The following SLC9C2 variants were observed in gnomAD, a reference collection of about 807,000 sequenced individuals.
SLC9C2 encodes sodium/hydrogen exchanger 11.
In SLC9C2, 75 loss-of-function variants were observed where a neutral mutation model predicts 140.2. The ratio of observed to expected loss-of-function variants is 0.53; its 90% confidence interval spans 0.44 to 0.65. The LOEUF (loss-of-function observed/expected upper bound fraction) is 0.65. Among genes scored for constraint, SLC9C2 ranks in the 30% least tolerant of loss-of-function variants. The pLI is 0.00. For synonymous variants in SLC9C2, 375 were observed against 420.9 expected, an observed-to-expected ratio of 0.89 and a Z score of 1.34; for missense variants, 1,074 against 1,331.8, an observed-to-expected ratio of 0.81 and a Z score of 3.01.
At chr1:173,575,862 G>T (rs928130874) in intron 8 of SLC9C2, among the ~76,000 whole-genome samples, 1 of 152,150 alleles carries the variant, frequency 6.6e-6, no homozygotes, top group African/African-American at 2.4e-5. Flanking sequence ...ACAGGCGTGA[G>T]CCACCGTGCC....
intron 2 of SLC9C2, among the ~76,000 whole-genome samples, chr1:173,601,111 G>T (rs758518932): frequency 1.3e-5 from 2 of 152,084 alleles, no homozygotes; most frequent in African/African-American, 2.4e-5. Context: ...TGGGGTTGGG[G>T]TGGGTTATTT....
At chr1:173,554,155 T>C (rs1005966489) in intron 11 of SLC9C2, among the ~76,000 whole-genome samples, 4 of 152,246 alleles carry the variant, frequency 2.6e-5, no homozygotes, top group Non-Finnish European at 5.9e-5. Context: ...CTTCTGCTAA[T>C]AGAATCTCCA....
chr1:173,514,753 CTT>C (rs996948129), intron 23 of SLC9C2, among the ~76,000 whole-genome samples: 10 of 152,120 alleles, frequency 6.6e-5, no homozygotes, highest in African/African-American at 1.9e-4. Flanking sequence ...TGCCATTAGT[CTT>C]TATATATTTG....
intron 15 of SLC9C2, among the ~76,000 whole-genome samples, 196 bp downstream of exon 15, chr1:173,535,634 C>T (rs1661895988): frequency 6.6e-6 from 1 of 152,144 alleles, no homozygotes; most frequent in African/African-American, 2.4e-5. Context: ...TTTTCCCTTC[C>T]TGACTACTCT....
At chr1:173,574,909 A>G (rs926414242) in intron 8 of SLC9C2, among the ~76,000 whole-genome samples, 2 of 152,076 alleles carry the variant, frequency 1.3e-5, no homozygotes, top group Admixed American at 6.6e-5. Context: ...GCTTGAGCCC[A>G]GGAGTTTGAG....
chr1:173,597,411 T>C (rs1215034858), intron 4 of SLC9C2, among the ~76,000 whole-genome samples: 1 of 151,858 alleles, frequency 6.6e-6, no homozygotes, highest in Non-Finnish European at 1.5e-5. Flanking sequence ...ATGAATCAAA[T>C]ATTAATTCAA....
intron 20 of SLC9C2, among the ~76,000 whole-genome samples, chr1:173,524,333 G>C (rs79213398): frequency 0.015 from 2,243 of 152,172 alleles, 68 homozygotes; most frequent in African/African-American, 0.052. Flanking sequence ...TAATTCAATT[G>C]ACACAGTGGA....
chr1:173,591,704 C>A (rs567908341), intron 4 of SLC9C2, among the ~76,000 whole-genome samples: 1 of 152,068 alleles, frequency 6.6e-6, no homozygotes, highest in Non-Finnish European at 1.5e-5. Flanking sequence ...TTATCCTTTG[C>A]CCACTTTTTA....
intron 17 of SLC9C2, among the ~76,000 whole-genome samples, chr1:173,530,372 C>T (rs1017212291): frequency 3.9e-5 from 6 of 152,186 alleles, no homozygotes; most frequent in African/African-American, 1.4e-4. Flanking sequence ...TGCCTTTTCC[C>T]TCATTCTCTG....
chr1:173,570,869 G>A (rs1664799422), intron 9 of SLC9C2, among the ~76,000 whole-genome samples: 1 of 152,098 alleles, frequency 6.6e-6, no homozygotes, highest in Non-Finnish European at 1.5e-5. Flanking sequence ...CAAGTGCACA[G>A]ATTCTCTCTC....
chr1:173,541,377 G>C (rs1425074815), intron 13 of SLC9C2, among the ~76,000 whole-genome samples: 2 of 152,134 alleles, frequency 1.3e-5, no homozygotes, highest in African/African-American at 2.4e-5. Context: ...TAGAGACCTA[G>C]AAAGAGACTT....
intron 4 of SLC9C2, among the ~76,000 whole-genome samples, chr1:173,595,025 G>A (rs1477930184): frequency 6.6e-6 from 1 of 152,084 alleles, no homozygotes; most frequent in Non-Finnish European, 1.5e-5. Context: ...TCAGCCTCCT[G>A]AGTAGCTGGG....
chr1:173,558,023 T>C (rs1571556884), intron 9 of SLC9C2, among the ~76,000 whole-genome samples: 1 of 152,234 alleles, frequency 6.6e-6, no homozygotes, highest in East Asian at 1.9e-4. Flanking sequence ...CTTCTTGCCC[T>C]CCAGATTACT....
At chr1:173,566,746 G>A (rs1274021744) in intron 9 of SLC9C2, among the ~76,000 whole-genome samples, 1 of 144,300 alleles carries the variant, frequency 6.9e-6, no homozygotes, top group East Asian at 2.0e-4. Context: ...TCCTTTTCTA[G>A]TTCTTTAAGA....
chr1:173,527,653 A>C (rs1661303259), intron 18 of SLC9C2, among the ~76,000 whole-genome samples: 1 of 152,134 alleles, frequency 6.6e-6, no homozygotes, highest in African/African-American at 2.4e-5. Flanking sequence ...GGGAGTTTGC[A>C]CTTGGCTACA....
At position 173,529,975 on chromosome 1, in the gene SLC9C2, C is replaced by A; in HGVS notation, c.2243G>T (p.Gly748Val). ...RLSLMYSITK[G>V]YIKSQEDAKL... ...GGCATCTTCTTGACTTTTGATATAG[C>A]CTTTTGTAATACTATACATCAAGCT... The change falls in exon 18 of 28, where the codon GGC becomes GTC. Residue 748 changes from glycine (G) to valine (V), a missense_variant. Physicochemically the swap from Gly to Val is moderately radical, Grantham distance 109. Transcript: ENST00000367714. 1 of 1,613,342 alleles carries A rather than the reference C, an allele frequency of 6.2e-7. No homozygotes were observed. The highest frequency in any genetic ancestry group is 1.3e-5 in the African/African-American group (1 of 74,944).
At chr1:173,526,638 G>A (rs1571472727) in intron 19 of SLC9C2, 25 bp downstream of exon 19, 1 of 1,563,644 alleles carries the variant, frequency 6.4e-7, no homozygotes, top group Non-Finnish European at 8.7e-7. Context: ...ATGACTTTAA[G>A]AACTCAGATA....
chr1:173,519,881 GCT>G (rs1326711305), intron 22 of SLC9C2, among the ~76,000 whole-genome samples: 1 of 152,062 alleles, frequency 6.6e-6, no homozygotes, highest in African/African-American at 2.4e-5. Flanking sequence ...TGGTTCGGTG[GCT>G]CACACCTGTA....
chr1:173,574,362 T>G (rs571265616), intron 8 of SLC9C2, among the ~76,000 whole-genome samples: 1 of 152,328 alleles, frequency 6.6e-6, no homozygotes, highest in East Asian at 1.9e-4. Context: ...AGGAGACAGT[T>G]TGGTTCTCCA....
Sources: allele counts gnomAD v4.1 joint callset (sites outside exome capture counted in the v4.1 genomes callset), GRCh38; gene constraint gnomAD v4.1.1; transcripts MANE v1.5; gene names NCBI Gene and HGNC (gene_info 2026-07-23, HGNC 2026-07-21).